Variants in RPTOR observed in about 807,000 individuals in gnomAD.
The protein encoded by RPTOR is regulatory associated protein of MTOR complex 1, also known as regulatory-associated protein of mTOR.
A neutral mutation model predicts 169.9 loss-of-function variants in RPTOR; 21 were observed. The ratio of observed to expected loss-of-function variants is 0.12; its 90% CI spans 0.09 to 0.18. The LOEUF (loss-of-function observed/expected upper bound fraction) is 0.18, where lower values mean the gene tolerates loss of function less well. RPTOR is among the 10% of genes least tolerant of loss of function. The probability of loss-of-function intolerance (pLI) is 1.00; values close to 1 mark genes in which losing one functional copy is unlikely to be tolerated. For synonymous variants in RPTOR, 732 were observed against 753.2 expected (o/e 0.97, Z 0.46); for missense variants, 1,133 against 1,855.9 (o/e 0.61, Z 7.16).
chr17:80,758,747 C>A (rs1017816950), intron 6 of RPTOR, among the ~76,000 whole-genome samples: 1 of 152,068 alleles, frequency 6.6e-6, no homozygotes, highest in Non-Finnish European at 1.5e-5. Context: ...ATCAACACCA[C>A]ACCAGCTCTG....
chr17:80,733,334 C>T (rs926321170), intron 5 of RPTOR, among the ~76,000 whole-genome samples: 3 of 152,166 alleles, frequency 2.0e-5, no homozygotes, highest in Admixed American at 6.5e-5. Flanking sequence ...CAAGTCTCTC[C>T]GCTTTCAGTC....
chr17:80,634,310 G>A (rs2065471475), intron 2 of RPTOR, among the ~76,000 whole-genome samples: 1 of 133,760 alleles, frequency 7.5e-6, no homozygotes, highest in African/African-American at 2.8e-5. Context: ...TGTGCGTACT[G>A]TGCGTGTGCG....
At chr17:80,621,207 G>C (rs561981810) in intron 1 of RPTOR, among the ~76,000 whole-genome samples, 3 of 152,164 alleles carry the variant, frequency 2.0e-5, no homozygotes, top group Admixed American at 2.0e-4. Context: ...GGCACAGTGA[G>C]GTGAGGCCCC....
intron 20 of RPTOR, among the ~76,000 whole-genome samples, chr17:80,905,125 T>C (rs2068524458): frequency 6.6e-6 from 1 of 151,982 alleles, no homozygotes; most frequent in African/African-American, 2.4e-5. Flanking sequence ...TCTTCTCTAG[T>C]TTCCTTATAA....
rs1156789450 is a variant in RPTOR at position 80,820,514 on chromosome 17, T to G, written c.891-1687T>G. Among the ~76,000 whole-genome samples, 2 of 152,192 alleles carry G rather than the reference T, an allele frequency of 1.3e-5. No individual in the cohort carries two copies. Among genetic ancestry groups the G allele is most frequent in the Non-Finnish European group, 2.9e-5 (2 of 68,030 alleles). On this transcript the variant is annotated intron_variant, in intron 7 of 33. Transcript: ENST00000306801. This position sits in a 1 kb window ranked among gnomAD's most constrained non-coding sequence, Gnocchi z 4.1. Reference sequence around the variant, plus strand: ...AGTTCCTGGATTGTTTGCTTGCATTTCATAAGGAAATGTCTTCTCTTTGGG... The same window carrying G: ...AGTTCCTGGATTGTTTGCTTGCATTGCATAAGGAAATGTCTTCTCTTTGGG...
intron 7 of RPTOR, among the ~76,000 whole-genome samples, chr17:80,816,144 A>G (rs549006139): frequency 1.3e-5 from 2 of 152,344 alleles, no homozygotes; most frequent in South Asian, 2.1e-4. Flanking sequence ...AACCACCACA[A>G]TGATCAGTGG....
At chr17:80,750,343 G>A (rs1022740312) in intron 5 of RPTOR, among the ~76,000 whole-genome samples, 2 of 152,182 alleles carry the variant, frequency 1.3e-5, no homozygotes, top group African/African-American at 4.8e-5. Flanking sequence ...CAGTGGTAGT[G>A]GTGCTGATTA....
At chr17:80,891,196 T>A (rs992698337) in intron 17 of RPTOR, among the ~76,000 whole-genome samples, 3 of 152,244 alleles carry the variant, frequency 2.0e-5, no homozygotes, top group African/African-American at 4.8e-5. Context: ...GTTCTACAAC[T>A]TTTCCCGTTC....
At chr17:80,737,563 C>A (rs956240419) in intron 5 of RPTOR, among the ~76,000 whole-genome samples, 1 of 152,170 alleles carries the variant, frequency 6.6e-6, no homozygotes, top group Non-Finnish European at 1.5e-5. Flanking sequence ...CCACTCCAGG[C>A]TTGGGCATGG....
intron 6 of RPTOR, among the ~76,000 whole-genome samples, chr17:80,775,916 T>G (rs1298976611): frequency 1.3e-5 from 2 of 152,246 alleles, no homozygotes; most frequent in Admixed American, 6.5e-5. Flanking sequence ...TGATTTTATA[T>G]TGCTATTGAT....
intron 24 of RPTOR, among the ~76,000 whole-genome samples, chr17:80,927,314 C>T (rs547159830): frequency 3.3e-5 from 5 of 152,302 alleles, no homozygotes; most frequent in Middle Eastern, 3.4e-3. Flanking sequence ...CTAAGAAACC[C>T]ACATGGTCTG....
intron 1 of RPTOR, among the ~76,000 whole-genome samples, chr17:80,616,779 G>A (rs775325419): frequency 2.0e-5 from 3 of 151,956 alleles, no homozygotes; most frequent in Non-Finnish European, 2.9e-5. Context: ...AAAAATATTA[G>A]AGCCCTTTGC....
At chr17:80,740,519 C>G (rs1380382134) in intron 5 of RPTOR, among the ~76,000 whole-genome samples, 6 of 152,104 alleles carry the variant, frequency 3.9e-5, no homozygotes, top group Admixed American at 1.3e-4. Flanking sequence ...TGCCAAAATC[C>G]TCAAAACAAT....
chr17:80,905,834 G>A (rs1334628138), intron 20 of RPTOR, among the ~76,000 whole-genome samples: 1 of 152,200 alleles, frequency 6.6e-6, no homozygotes, highest in Non-Finnish European at 1.5e-5. Flanking sequence ...TGCCGTGCCT[G>A]CCCTGGGTTC....
At chr17:80,696,734 C>T (rs1416837030) in intron 3 of RPTOR, among the ~76,000 whole-genome samples, 3 of 152,180 alleles carry the variant, frequency 2.0e-5, no homozygotes, top group Admixed American at 6.5e-5. Context: ...GGCGGGAGCA[C>T]GTGAGTGAGC....
At chr17:80,763,626 C>G (rs1316508259) in intron 6 of RPTOR, among the ~76,000 whole-genome samples, 1 of 152,170 alleles carries the variant, frequency 6.6e-6, no homozygotes, top group Non-Finnish European at 1.5e-5. Context: ...CCAGACCTCA[C>G]AGAGGCACAC....
intron 1 of RPTOR, among the ~76,000 whole-genome samples, chr17:80,581,760 T>G (rs1187384899): frequency 6.6e-6 from 1 of 151,278 alleles, no homozygotes; most frequent in Non-Finnish European, 1.5e-5. Context: ...CAGTGGATAC[T>G]GCACATCGGG....
intron 4 of RPTOR, among the ~76,000 whole-genome samples, chr17:80,711,043 T>C (rs1031988133): frequency 2.0e-5 from 3 of 152,212 alleles, no homozygotes; most frequent in Non-Finnish European, 2.9e-5. Context: ...GTTAAAGGGT[T>C]TTTCTGTTAG....
intron 3 of RPTOR, among the ~76,000 whole-genome samples, chr17:80,686,999 G>A (rs985330841): frequency 3.3e-5 from 5 of 152,144 alleles, no homozygotes; most frequent in Non-Finnish European, 1.5e-5. Context: ...TCAGTAACCA[G>A]AGAGTGGAAT....
Sources: gnomAD v4.1 joint callset for allele counts (sites outside exome capture counted in the v4.1 genomes callset) on GRCh38, gnomAD v4.1.1 for gene constraint, Gnocchi (gnomAD v3.1) non-coding constraint, MANE v1.5 for transcripts, NCBI Gene and HGNC (gene_info 2026-07-23, HGNC 2026-07-21) for gene names.